Variants in DLG2 observed in about 807,000 individuals in gnomAD.
DLG2 encodes the protein disks large homolog 2.
Under a neutral mutation model 132.5 loss-of-function variants are expected in DLG2, and 45 were observed. The observed-to-expected ratio is 0.34, with a 90% CI of 0.27 to 0.44. DLG2 has a LOEUF of 0.44. Among genes scored for constraint, DLG2 ranks in the 20% least tolerant of loss-of-function variants. The pLI, the probability that DLG2 is intolerant of heterozygous loss-of-function variation, is 1.00. For missense variants in DLG2, 1,045 were observed against 1,196.9 expected (o/e 0.87, Z 1.87); for synonymous variants, 424 against 419.6 (o/e 1.01, Z -0.13).
chr11:85,594,643 C>A (rs2079601959), intron 3 of DLG2, among the ~76,000 whole-genome samples: 1 of 152,030 alleles, frequency 6.6e-6, no homozygotes, highest in Admixed American at 6.6e-5. Context: ...TTACAAAAAA[C>A]ATTTGTGTTA....
chr11:84,580,083 T>C (rs1250640789), intron 6 of DLG2, among the ~76,000 whole-genome samples: 1 of 152,164 alleles, frequency 6.6e-6, no homozygotes, highest in East Asian at 1.9e-4. Flanking sequence ...CTTCTAGAAA[T>C]CAGGGGGAGG....
chr11:84,344,043 C>T (rs933394802), intron 7 of DLG2, among the ~76,000 whole-genome samples: 2 of 151,952 alleles, frequency 1.3e-5, no homozygotes, highest in Non-Finnish European at 2.9e-5. Flanking sequence ...TTGAAAGATC[C>T]CTACTTTATG....
intron 6 of DLG2, among the ~76,000 whole-genome samples, chr11:84,540,802 C>A (rs1441644471): frequency 3.3e-5 from 5 of 152,122 alleles, no homozygotes; most frequent in Admixed American, 3.3e-4. Flanking sequence ...AAACATCCAT[C>A]AATGATAGAC....
chr11:83,870,419 A>C (rs1181753354), intron 16 of DLG2, among the ~76,000 whole-genome samples: 1 of 152,204 alleles, frequency 6.6e-6, no homozygotes, highest in Non-Finnish European at 1.5e-5. Context: ...AGTTCCACAC[A>C]TGTTGCTGAA....
chr11:83,875,303 T>A (rs114556110), intron 15 of DLG2, among the ~76,000 whole-genome samples: 3,012 of 152,208 alleles, frequency 0.02, 97 homozygotes, highest in African/African-American at 0.068. Flanking sequence ...TTTATTGAGA[T>A]CTGAAACACT....
rs780968430 is a variant in DLG2 at position 85,285,217 on chromosome 11, T to C, written c.186+3A>G. Reference sequence around the variant, plus strand: ...AGTTCTTTTGGAAGTTTCAGTAGTATACCTCTGAAGATTTTTGAAGTCTGT... The same window carrying C: ...AGTTCTTTTGGAAGTTTCAGTAGTACACCTCTGAAGATTTTTGAAGTCTGT... On this transcript the variant is annotated splice_donor_region_variant and intron_variant, in intron 4 of 27. Coordinates refer to ENST00000376104, the MANE Select transcript of DLG2 (RefSeq NM_001142699.3). The C allele has an allele frequency of 6.2e-7, 1 of 1,610,654 alleles. No individual in the cohort carries two copies.
intron 7 of DLG2, among the ~76,000 whole-genome samples, chr11:84,531,213 C>T (rs1313687134): frequency 1.3e-5 from 2 of 152,162 alleles, no homozygotes; most frequent in Admixed American, 6.6e-5. Context: ...CCTAAGCATA[C>T]TAACACAGGA....
chr11:85,440,630 T>C (rs759307295), intron 3 of DLG2, among the ~76,000 whole-genome samples: 6 of 152,240 alleles, frequency 3.9e-5, no homozygotes, highest in Non-Finnish European at 8.8e-5. Context: ...TTCCTAAAAA[T>C]GTGTGTCTCT....
At chr11:85,586,496 T>C (rs2078980755) in intron 3 of DLG2, among the ~76,000 whole-genome samples, 1 of 152,274 alleles carries the variant, frequency 6.6e-6, no homozygotes, top group South Asian at 2.1e-4. Flanking sequence ...GTCCACATAA[T>C]GGTGTTCAGA....
chr11:85,049,795 A>T (rs1593240980), intron 6 of DLG2, among the ~76,000 whole-genome samples: 1 of 152,218 alleles, frequency 6.6e-6, no homozygotes, highest in East Asian at 1.9e-4. Context: ...TTTCCAGCAT[A>T]TAAAGAGATG....
intron 17 of DLG2, among the ~76,000 whole-genome samples, chr11:83,821,810 A>C (rs2050879234): frequency 6.6e-6 from 1 of 152,146 alleles, no homozygotes; most frequent in East Asian, 1.9e-4. Flanking sequence ...TTGCTAAATA[A>C]ATCACCAATT....
At chr11:84,031,833 C>A (rs1239095653) in intron 11 of DLG2, among the ~76,000 whole-genome samples, 1 of 152,108 alleles carries the variant, frequency 6.6e-6, no homozygotes, top group Non-Finnish European at 1.5e-5. Flanking sequence ...CTATTGGCAC[C>A]ATTTTTCCAA....
intron 14 of DLG2, among the ~76,000 whole-genome samples, chr11:83,937,524 A>AAAT (rs1375856139): frequency 6.6e-6 from 1 of 150,390 alleles, no homozygotes; most frequent in African/African-American, 2.5e-5. Flanking sequence ...AAAAAAAAAA[A>AAAT]AAAAAATTGA....
chr11:85,149,921 A>G (rs1420192765), intron 5 of DLG2, among the ~76,000 whole-genome samples: 1 of 150,410 alleles, frequency 6.6e-6, no homozygotes, highest in Non-Finnish European at 1.5e-5. Context: ...ACTACTCTAT[A>G]TTGCCTTTAA....
intron 8 of DLG2, among the ~76,000 whole-genome samples, chr11:84,200,343 A>G (rs141207298): frequency 0.012 from 1,835 of 152,226 alleles, 38 homozygotes; most frequent in African/African-American, 0.039. Flanking sequence ...TCAGATTTAC[A>G]GAAAAATTTT....
At chr11:85,549,462 C>T (rs1053776261) in intron 3 of DLG2, among the ~76,000 whole-genome samples, 5 of 152,182 alleles carry the variant, frequency 3.3e-5, no homozygotes, top group South Asian at 4.2e-4. Flanking sequence ...TTATACTTTT[C>T]GATAATGTCT....
chr11:84,844,689 A>G (rs2081245558), intron 6 of DLG2, among the ~76,000 whole-genome samples: 2 of 152,152 alleles, frequency 1.3e-5, no homozygotes, highest in Admixed American at 1.3e-4. Flanking sequence ...TAAATTTGGA[A>G]GTAGAAGCAA....
At chr11:84,224,761 C>T (rs2096966093) in intron 8 of DLG2, among the ~76,000 whole-genome samples, 1 of 152,180 alleles carries the variant, frequency 6.6e-6, no homozygotes, top group Admixed American at 6.5e-5. Flanking sequence ...GAACAGCCAC[C>T]TGTTCTGCAT....
chr11:84,792,650 T>C (rs1046998311), intron 6 of DLG2, among the ~76,000 whole-genome samples: 1 of 152,110 alleles, frequency 6.6e-6, no homozygotes, highest in South Asian at 2.1e-4. Context: ...TCAATATTGG[T>C]AGGTTCTATG....
Sources: allele counts gnomAD v4.1 joint callset (sites outside exome capture counted in the v4.1 genomes callset), GRCh38; gene constraint gnomAD v4.1.1; transcripts MANE v1.5; gene names NCBI Gene and HGNC (gene_info 2026-07-23, HGNC 2026-07-21).